RGS6: variants seen among roughly 807,000 people sequenced by gnomAD.
The protein encoded by RGS6 is regulator of G-protein signaling 6.
Under a neutral mutation model 78.5 loss-of-function variants are expected in RGS6, and 30 were observed. The observed-to-expected ratio is 0.38, with a 90% CI of 0.29 to 0.52. The LOEUF (loss-of-function observed/expected upper bound fraction) is 0.52. RGS6 is among the 20% of genes least tolerant of loss of function. The pLI is 0.85. For synonymous variants in RGS6, 206 were observed against 206.0 expected (o/e 1.00, Z 0.00); for missense variants, 495 against 609.7 (o/e 0.81, Z 1.98).
intron 2 of RGS6, among the ~76,000 whole-genome samples, chr14:72,092,592 G>A (rs2095303304): frequency 6.6e-6 from 1 of 152,134 alleles, no homozygotes; most frequent in Non-Finnish European, 1.5e-5. Flanking sequence ...AGGTTGGCCA[G>A]GCTGGTCTCG....
chr14:71,987,248 T>C (rs1566966193), intron 2 of RGS6, among the ~76,000 whole-genome samples: 1 of 152,178 alleles, frequency 6.6e-6, no homozygotes, highest in Non-Finnish European at 1.5e-5. Flanking sequence ...TATGTGGCAA[T>C]CTAAACTAAG....
At chr14:72,185,694 C>T (rs1215282640) in intron 2 of RGS6, among the ~76,000 whole-genome samples, 2 of 152,114 alleles carry the variant, frequency 1.3e-5, no homozygotes, top group East Asian at 3.9e-4. Flanking sequence ...CCTGTAATCC[C>T]AACACTTTGG....
intron 2 of RGS6, among the ~76,000 whole-genome samples, chr14:72,073,304 A>AT (rs1318380217): frequency 2.6e-5 from 4 of 152,258 alleles, no homozygotes; most frequent in African/African-American, 7.2e-5. Flanking sequence ...CGGTATTACC[A>AT]TAGATTAATT....
intron 3 of RGS6, among the ~76,000 whole-genome samples, chr14:72,449,376 A>G (rs1037939748): frequency 2.0e-5 from 3 of 152,196 alleles, no homozygotes; most frequent in African/African-American, 4.8e-5. Flanking sequence ...AACTTTGCAT[A>G]ATCTGATCTG....
chr14:72,370,196 G>A (rs1596355709), intron 3 of RGS6, among the ~76,000 whole-genome samples: 1 of 151,892 alleles, frequency 6.6e-6, no homozygotes, highest in African/African-American at 2.4e-5. Context: ...GTTAACAAGA[G>A]AATAAAGAGT....
intron 3 of RGS6, among the ~76,000 whole-genome samples, chr14:72,401,104 T>C (rs1208700818): frequency 6.6e-6 from 1 of 152,246 alleles, no homozygotes; most frequent in Non-Finnish European, 1.5e-5. Context: ...CATTGCTAAG[T>C]TAGATAAATC....
At chr14:72,069,723 A>G (rs1208371138) in intron 2 of RGS6, among the ~76,000 whole-genome samples, 3 of 151,974 alleles carry the variant, frequency 2.0e-5, no homozygotes, top group Non-Finnish European at 4.4e-5. Flanking sequence ...TATTTTTAGT[A>G]GAGACGGGGT....
intron 2 of RGS6, among the ~76,000 whole-genome samples, chr14:71,996,647 A>G (rs75598730): frequency 2.7e-3 from 417 of 152,272 alleles, no homozygotes; most frequent in African/African-American, 9.6e-3. Flanking sequence ...TTATTGCTCT[A>G]TGTCTTGTCC....
chr14:72,096,251 A>G (rs535667106), intron 2 of RGS6, among the ~76,000 whole-genome samples: 1 of 151,974 alleles, frequency 6.6e-6, no homozygotes, highest in African/African-American at 2.4e-5. Flanking sequence ...TCTGCACTCC[A>G]GCCTGGGTTA....
chr14:71,941,599 C>A (rs1252821104), intron 1 of RGS6, among the ~76,000 whole-genome samples: 2 of 152,188 alleles, frequency 1.3e-5, no homozygotes, highest in Non-Finnish European at 2.9e-5. Context: ...AACTGAAGAA[C>A]TTGGAGTCAG....
At chr14:71,915,126 C>T in the RGS6 span, among the ~76,000 whole-genome samples, 7 of 151,400 alleles carry the variant, frequency 4.6e-5, no homozygotes, top group South Asian at 2.1e-4. Flanking sequence ...GGCATGGTGG[C>T]GTGTGCCTGT....
At chr14:72,527,292 T>C (rs1009207984) in intron 15 of RGS6, among the ~76,000 whole-genome samples, 7 of 152,202 alleles carry the variant, frequency 4.6e-5, no homozygotes, top group Non-Finnish European at 1.0e-4. Context: ...CAACCACACA[T>C]GGAGGGATTT....
rs143576477 is a variant in RGS6, at chr14:72,489,708, AGAAAG to A, written c.855-5431_855-5427del. On this transcript the variant is annotated intron_variant, in intron 12 of 17. Transcript: ENST00000553525. ...GGAGCCACCAGAAACTGGAAGGAAA[AGAAAG>A]GAAAGGAAAGGAGAGGCAAGGCGAG... Among the ~76,000 whole-genome samples, 12 of 140,084 alleles carry A rather than the reference AGAAAG, an allele frequency of 8.6e-5. No individual in the cohort carries two copies. The East Asian group carries it at 1.2e-3, about 14-fold the overall frequency. 91.9% of individuals were successfully genotyped at this position (140,084 alleles called of 152,430 possible). A position where few individuals can be genotyped will look rare whatever the true frequency, so the allele number is the denominator to read the frequency against.
the RGS6 span, among the ~76,000 whole-genome samples, chr14:71,924,847 T>C: frequency 6.6e-6 from 1 of 152,240 alleles, no homozygotes; most frequent in Admixed American, 6.5e-5. Context: ...GTTGTTCCCA[T>C]AACCAGAATA....
At chr14:72,153,915 C>T (rs1056899578) in intron 2 of RGS6, among the ~76,000 whole-genome samples, 1 of 152,116 alleles carries the variant, frequency 6.6e-6, no homozygotes, top group African/African-American at 2.4e-5. Flanking sequence ...GAGAACTGGT[C>T]TGACCAAAAA....
At chr14:72,522,155 G>GT (rs2097052973) in intron 15 of RGS6, among the ~76,000 whole-genome samples, 1 of 152,328 alleles carries the variant, frequency 6.6e-6, no homozygotes, top group Non-Finnish European at 1.5e-5. Flanking sequence ...AAATTAAGGT[G>GT]TCAGCAGATT....
intron 2 of RGS6, among the ~76,000 whole-genome samples, chr14:72,227,904 C>T (rs771157834): frequency 6.6e-6 from 1 of 152,016 alleles, no homozygotes; most frequent in Non-Finnish European, 1.5e-5. Context: ...AATTTATGTG[C>T]CAGTAATTAC....
intron 3 of RGS6, among the ~76,000 whole-genome samples, chr14:72,410,582 A>G (rs1287614601): frequency 6.6e-6 from 1 of 152,070 alleles, no homozygotes; most frequent in African/African-American, 2.4e-5. Context: ...ATTAGATCCC[A>G]TTTGTCAATT....
chr14:72,483,832 T>C (rs554215576), intron 12 of RGS6, among the ~76,000 whole-genome samples: 1 of 152,296 alleles, frequency 6.6e-6, no homozygotes, highest in African/African-American at 2.4e-5. Flanking sequence ...TGTAAGCTCT[T>C]CTTCCTGCAG....
Sources: allele counts gnomAD v4.1 joint callset (sites outside exome capture counted in the v4.1 genomes callset), GRCh38; gene constraint gnomAD v4.1.1; transcripts MANE v1.5; gene names NCBI Gene and HGNC (gene_info 2026-07-23, HGNC 2026-07-21).